The following CCNB3 variants were observed in gnomAD, a reference collection of about 807,000 sequenced individuals.
CCNB3 encodes G2/mitotic-specific cyclin-B3.
Under a neutral mutation model 68.0 loss-of-function variants are expected in CCNB3, and 12 were observed. The observed-to-expected ratio is 0.18, with a 90% CI of 0.11 to 0.29. The LOEUF (loss-of-function observed/expected upper bound fraction) is 0.29. Among genes scored for constraint, CCNB3 ranks in the 10% least tolerant of loss-of-function variants. The pLI is 1.00. For synonymous variants in CCNB3, 354 were observed against 388.9 expected, an observed-to-expected ratio of 0.91 and a Z score of 1.06; for missense variants, 904 against 993.1, an observed-to-expected ratio of 0.91 and a Z score of 1.21.
At chrX:50,304,425 G>GT (rs1557213166) in intron 5 of CCNB3, among the ~76,000 whole-genome samples, 1 of 111,721 alleles carries the variant, frequency 9.0e-6, no homozygotes, top group Non-Finnish European at 1.9e-5. Context: ...TTTAATAAAT[G>GT]GTGCTGGGAA....
At chrX:50,342,425 T>C in intron 9 of CCNB3, 86 bp downstream of exon 9, 1 of 935,835 alleles carries the variant, frequency 1.1e-6, no homozygotes, top group Non-Finnish European at 1.5e-6. Context: ...ATATTCATTG[T>C]TATGTGCTGC....
chrX:50,303,132 G>T (rs1313446964), intron 5 of CCNB3, among the ~76,000 whole-genome samples: 1 of 110,343 alleles, frequency 9.1e-6, no homozygotes, highest in Non-Finnish European at 1.9e-5. Context: ...TGGAATGGTG[G>T]CAGTGTTGTG....
At chrX:50,336,225 A>T (rs1922845040) in intron 8 of CCNB3, among the ~76,000 whole-genome samples, 1 of 111,740 alleles carries the variant, frequency 8.9e-6, no homozygotes, top group African/African-American at 3.3e-5. Flanking sequence ...GGGGACACTT[A>T]TCTTTCCAAT....
chrX:50,288,698 C>T, intron 3 of CCNB3, 82 bp from the exon 4 acceptor site: 1 of 629,252 alleles, frequency 1.6e-6, no homozygotes, highest in Non-Finnish European at 2.6e-6. Context: ...CTGGAGTTCC[C>T]CTGAGCCCTA....
chrX:50,213,178 A>G (rs1290905234), intron 1 of CCNB3, among the ~76,000 whole-genome samples: 10 of 112,161 alleles, frequency 8.9e-5, no homozygotes, highest in Non-Finnish European at 1.9e-4. Flanking sequence ...CAATCTGGGC[A>G]TTATTGCTAT....
At chrX:50,347,491 A>G in intron 10 of CCNB3, 135 bp from the exon 11 acceptor site, 2 of 534,553 alleles carry the variant, frequency 3.7e-6, no homozygotes, top group Non-Finnish European at 6.1e-6. Context: ...GAAGTGAGTT[A>G]CGGTTGCAGG....
At chrX:50,312,653 G>A in intron 7 of CCNB3, 21 bp downstream of exon 7, 2 of 1,060,076 alleles carry the variant, frequency 1.9e-6, no homozygotes, top group Non-Finnish European at 2.6e-6. Flanking sequence ...TGCTTGGGTT[G>A]GGCAATGATT....
chrX:50,226,110 A>G (rs1397240047), intron 1 of CCNB3, among the ~76,000 whole-genome samples: 2,365 of 80,886 alleles, frequency 0.029, 138 homozygotes, highest in African/African-American at 0.11. Flanking sequence ...GAATATGTAT[A>G]AATATATATA....
chrX:50,319,990 G>A (rs937191364), intron 8 of CCNB3, among the ~76,000 whole-genome samples: 5 of 110,350 alleles, frequency 4.5e-5, no homozygotes, highest in African/African-American at 1.3e-4. Flanking sequence ...TTTCTTTTTA[G>A]GTATTGCTGG....
At chrX:50,279,659 T>G (rs1210175461) in intron 1 of CCNB3, among the ~76,000 whole-genome samples, 3 of 79,358 alleles carry the variant, frequency 3.8e-5, no homozygotes, top group Non-Finnish European at 7.6e-5. Flanking sequence ...TTCATCTATG[T>G]AAATATATGA....
intron 5 of CCNB3, among the ~76,000 whole-genome samples, chrX:50,298,077 A>G (rs1557211544): frequency 1.8e-5 from 2 of 111,781 alleles, no homozygotes; most frequent in Non-Finnish European, 3.8e-5. Flanking sequence ...TCATCTGCAA[A>G]CAGGGACAAT....
At chrX:50,291,653 C>T (rs1936349389) in intron 4 of CCNB3, among the ~76,000 whole-genome samples, 1 of 112,047 alleles carries the variant, frequency 8.9e-6, no homozygotes, top group African/African-American at 3.2e-5. Flanking sequence ...AATATCAGTG[C>T]TTTGTACCTG....
In CCNB3 at chrX:50,298,494, G is replaced by A. The variant is rs188636897; in HGVS notation, c.335+3501G>A. 3.6e-3 allele frequency among the ~76,000 whole-genome samples: 401 copies of A among 111,781 alleles called. 3 individuals are homozygous for A. The highest frequency in any genetic ancestry group is 0.012 in the African/African-American group (384 of 30,775). The stretch of plus-strand genomic sequence containing the variant: ...CCAGGGATGAAGCCCACTTGATCAT[G>A]GTGGATAAGCTTTTTGCTGTGCTGC... On this transcript the variant is annotated intron_variant, in intron 5 of 12. Transcript: ENST00000376042.
At chrX:50,223,658 C>T (rs1194861407) in intron 1 of CCNB3, among the ~76,000 whole-genome samples, 2 of 112,231 alleles carry the variant, frequency 1.8e-5, no homozygotes, top group Non-Finnish European at 3.8e-5. Flanking sequence ...AGAGGGGCAC[C>T]GACCAGATGC....
At chrX:50,227,210 AATATATACAGAATATATATATAAATAT>A (rs1305354846) in intron 1 of CCNB3, among the ~76,000 whole-genome samples, 19 of 82,296 alleles carry the variant, frequency 2.3e-4, no homozygotes, top group East Asian at 3.6e-4. Flanking sequence ...AATATATATA[AATATATACAGAATATATATATAAATAT>A]ATATATACAG....
At chrX:50,342,007 G>A in intron 8 of CCNB3, 195 bp from the exon 9 acceptor site, 1 of 414,070 alleles carries the variant, frequency 2.4e-6, no homozygotes, top group Admixed American at 4.1e-5. Context: ...TGTAAGGATA[G>A]ATAATGCCAG....
Position 50,310,435 on chromosome X carries a change from C to T in CCNB3, c.2266C>T (p.His756Tyr). The T allele has an allele frequency of 2.5e-6, 3 of 1,210,837 alleles. No homozygotes were observed. The highest frequency in any genetic ancestry group is 3.4e-6 in the Non-Finnish European group (3 of 894,849). Residue 756 changes from histidine (H) to tyrosine (Y), a missense_variant, in exon 6 of 13, where the codon CAT (histidine) becomes TAT (tyrosine). Coordinates refer to ENST00000376042, the MANE Select transcript of CCNB3 (RefSeq NM_033031.3). Reference sequence around the variant, plus strand: ...ATCTTTAAAGAAGAAGTCCACTTCTCATGGAAAAGTGTTCTTCCTGAAGAA... The same window carrying T: ...ATCTTTAAAGAAGAAGTCCACTTCTTATGGAAAAGTGTTCTTCCTGAAGAA... ...QLSLKKKSTS[H>Y]GKVFFLKKQL...
intron 1 of CCNB3, among the ~76,000 whole-genome samples, chrX:50,279,888 A>G (rs1267886751): frequency 1.1e-5 from 1 of 87,460 alleles, no homozygotes; most frequent in Non-Finnish European, 2.1e-5. Flanking sequence ...TATAGTATAT[A>G]TAAATATATA....
intron 8 of CCNB3, among the ~76,000 whole-genome samples, chrX:50,316,921 T>C (rs139770477): frequency 2.0e-3 from 228 of 112,510 alleles, no homozygotes; most frequent in African/African-American, 6.4e-3. Context: ...TACAGGTTTT[T>C]ATGTGAAGAT....
Sources: allele counts gnomAD v4.1 joint callset (sites outside exome capture counted in the v4.1 genomes callset), GRCh38; gene constraint gnomAD v4.1.1; transcripts MANE v1.5; gene names NCBI Gene and HGNC (gene_info 2026-07-23, HGNC 2026-07-21).